FSTL3: variants seen among roughly 807,000 people sequenced by gnomAD.
FSTL3 encodes the protein follistatin-related protein 3.
Under a neutral mutation model 28.1 loss-of-function variants are expected in FSTL3, and 21 were observed. The ratio of observed to expected loss-of-function variants is 0.75; its 90% confidence interval spans 0.53 to 1.08. The LOEUF (loss-of-function observed/expected upper bound fraction) is 1.08. FSTL3 is among the 50% of genes least tolerant of loss of function. The probability of loss-of-function intolerance (pLI) is 0.00; values close to 1 mark genes in which losing one functional copy is unlikely to be tolerated. For missense variants in FSTL3, 400 were observed against 380.9 expected (o/e 1.05, Z -0.42); for synonymous variants, 199 against 164.2 (o/e 1.21, Z -1.62).
chr19:678,366 A>G (rs968900550), intron 2 of FSTL3, among the ~76,000 whole-genome samples: 2 of 152,220 alleles, frequency 1.3e-5, no homozygotes, highest in Non-Finnish European at 2.9e-5. Flanking sequence ...CGGTGGGGTT[A>G]CAGCTGCATG....
At chr19:677,671 C>A in intron 1 of FSTL3, 121 bp from the exon 2 acceptor site, 3 of 994,608 alleles carry the variant, frequency 3.0e-6, no homozygotes, top group Admixed American at 2.8e-5. Context: ...CCCCTTCTTC[C>A]TGGGTGGGGG....
chr19:678,121 A>G (rs1469040350), intron 2 of FSTL3, 144 bp downstream of exon 2: 2 of 754,702 alleles, frequency 2.7e-6, no homozygotes, highest in East Asian at 2.7e-5. Context: ...AGCCTCAGAG[A>G]GGGACTGGGG....
chr19:679,390 C>G (rs1435692668), intron 2 of FSTL3, among the ~76,000 whole-genome samples: 1 of 152,150 alleles, frequency 6.6e-6, no homozygotes, highest in Admixed American at 6.5e-5. Flanking sequence ...GGGGCTCCCT[C>G]GTCAGCCCCA....
At position 680,370 on chromosome 19, in the gene FSTL3, C is replaced by A. The variant is rs1390833901; in HGVS notation, c.386C>A (p.Pro129Gln). ...CECAPDCSGL[P>Q]ARLQVCGSDG... is the part of the protein sequence containing the mutation. ...TGCGCGCCCGACTGCTCGGGGCTCC[C>A]GGCGCGGCTGCAGGTCTGCGGCTCA... Residue 129 changes from proline (P) to glutamine (Q), a missense_variant, in exon 3 of 5, where the codon CCG becomes CAG. Pro to Gln is a moderately conservative substitution (Grantham distance 76). Transcript: ENST00000166139. 2.3e-6 allele frequency: 3 copies of A among 1,281,332 alleles called. No homozygotes were observed. The highest frequency in any genetic ancestry group is 3.0e-6 in the Non-Finnish European group (3 of 1,016,812). 79.4% of individuals were successfully genotyped at this position (1,281,332 alleles called of 1,614,324 possible). A position where few individuals can be genotyped will look rare whatever the true frequency, so the allele number is the denominator to read the frequency against.
rs1019588483 is a variant in FSTL3 at position 676,408 on chromosome 19, C to G, written c.-16C>G. On this transcript the variant is annotated 5_prime_UTR_variant, in exon 1 of 5. Coordinates refer to ENST00000166139, the MANE Select transcript of FSTL3 (RefSeq NM_005860.3). ...CGCGCTGGGAAGTCGGTGCCGCTGC[C>G]GTCTCTGCGTTCGCCATGCGTCCCG... 1.9e-6 allele frequency: 2 copies of G among 1,061,210 alleles called. No individual in the cohort carries two copies. The highest frequency in any genetic ancestry group is 2.4e-6 in the Non-Finnish European group (2 of 838,898). The allele number at this position is 1,061,210 out of a possible 1,614,324, so 65.7% of individuals were successfully genotyped here.
intron 2 of FSTL3, among the ~76,000 whole-genome samples, chr19:679,120 GAGA>G (rs1355207675): frequency 9.9e-5 from 15 of 152,206 alleles, no homozygotes; most frequent in Non-Finnish European, 1.5e-5. Flanking sequence ...TGGCTTCTGG[GAGA>G]AGGACAGTCT....
At position 681,576 on chromosome 19, in the gene FSTL3, G is replaced by A. The variant is rs769857914; in HGVS notation, c.733+16G>A. 1.4e-5 allele frequency: 22 copies of A among 1,600,656 alleles called. No homozygotes were observed. The highest frequency in any genetic ancestry group is 1.7e-4 in the Middle Eastern group (1 of 6,038). ...AGCTGCGCAGGTGCAGACGCAGGGCGGGGGCACAGGCCTGTCCTGGGGGCC... is the reference window on the plus strand; with the variant it reads ...AGCTGCGCAGGTGCAGACGCAGGGCAGGGGCACAGGCCTGTCCTGGGGGCC... On this transcript the variant is annotated intron_variant, in intron 4 of 4. Coordinates refer to ENST00000166139, the MANE Select transcript of FSTL3 (RefSeq NM_005860.3).
chr19:681,245 G>T, intron 3 of FSTL3, 88 bp from the exon 4 acceptor site: 1 of 924,444 alleles, frequency 1.1e-6, no homozygotes, highest in Non-Finnish European at 1.6e-6. Flanking sequence ...TTCGCATCTT[G>T]GGGGTTAAGG....
Position 681,296 on chromosome 19 carries a change from G to A in FSTL3, c.506-37G>A, listed in dbSNP as rs758104601. 1.3e-5 allele frequency: 19 copies of A among 1,430,806 alleles called. No homozygotes were observed. The African/African-American group carries it at 2.0e-4, about 15-fold the overall frequency. 88.6% of individuals were successfully genotyped at this position (1,430,806 alleles called of 1,614,324 possible). A position where few individuals can be genotyped will look rare whatever the true frequency, so the allele number is the denominator to read the frequency against. On this transcript the variant is annotated intron_variant, in intron 3 of 4. Coordinates refer to ENST00000166139, the MANE Select transcript of FSTL3 (RefSeq NM_005860.3). ...AAGAGCCCTGCGGGGTTCTCAGCGA[G>A]ATGTCCCCTGAACTTCCCCTGGCAC...
chr19:681,526 C>T lies in FSTL3; in HGVS notation c.699C>T (p.Arg233=), dbSNP rs376133733. 2 of 1,607,508 alleles carry T rather than the reference C, an allele frequency of 1.2e-6. No homozygotes were observed. The highest frequency in any genetic ancestry group is 2.7e-5 in the African/African-American group (2 of 74,902). Residue 233 remains arginine (R), a synonymous_variant, in exon 4 of 5, where the codon CGC becomes CGT. Transcript: ENST00000166139. Reference sequence around the variant, plus strand: ...GCCAGGCCACCTGCTTCCTGGGCCGCTCCATCGGCGTGCGCCACGCGGGCA... The same window carrying T: ...GCCAGGCCACCTGCTTCCTGGGCCGTTCCATCGGCGTGCGCCACGCGGGCA... The part of the protein sequence containing the change: ...HMRQATCFLG[R]SIGVRHAGSC...
intron 2 of FSTL3, 21 bp downstream of exon 2, chr19:677,998 CAGGGCAGACGTCT>C: frequency 6.2e-7 from 1 of 1,606,734 alleles, no homozygotes; most frequent in Non-Finnish European, 8.5e-7. Flanking sequence ...AGGCCAGAAG[CAGGGCAGACGTCT>C]CAGCTCAGGA....
intron 1 of FSTL3, 73 bp downstream of exon 1, chr19:676,599 ACGTCGGGGGG>A (rs1337906032): frequency 3.3e-4 from 150 of 453,630 alleles, no homozygotes; most frequent in Non-Finnish European, 1.6e-5. Context: ...GGCCGGGGGG[ACGTCGGGGGG>A]CGCGGCGGCG....
At chr19:677,579 G>GT (rs1161761635) in intron 1 of FSTL3, among the ~76,000 whole-genome samples, 1 of 145,176 alleles carries the variant, frequency 6.9e-6, no homozygotes, top group African/African-American at 2.5e-5. Flanking sequence ...TGAGGCTGTG[G>GT]GGGGGGGCAC....
rs566357216 is a variant in FSTL3, at chr19:677,934, C to T, written c.246C>T (p.Asn82=). 6.2e-7 allele frequency: 1 copy of T among 1,613,628 alleles called. No homozygotes were observed. Among genetic ancestry groups the T allele is most frequent in the African/African-American group, 1.3e-5 (1 of 75,062 alleles). The change falls in exon 2 of 5, where the codon AAC becomes AAT. Residue 82 remains asparagine, a synonymous_variant. Transcript: ENST00000166139. ...SNLTHPGNKI[N]LLGFLGLVHC... The stretch of plus-strand genomic sequence containing the variant: ...TCACCCACCCGGGGAACAAGATCAA[C>T]CTCCTCGGCTTCTTGGGCCTTGTCC...
At chr19:680,622 CG>C (rs754761803) in intron 3 of FSTL3, 133 bp downstream of exon 3, 155 of 308,884 alleles carry the variant, frequency 5.0e-4, no homozygotes, top group Non-Finnish European at 2.7e-4. Context: ...CGTGACGTAT[CG>C]GGGCTGCTAC....
In FSTL3 at chr19:682,444, G is replaced by T; in HGVS notation, c.*736G>T. On this transcript the variant is annotated 3_prime_UTR_variant, in exon 5 of 5. Coordinates refer to ENST00000166139, the MANE Select transcript of FSTL3 (RefSeq NM_005860.3). ...TACGGAGGGTCTAGTCTGAGTGCGT[G>T]TGGGGACCTCAGAACACTGTGACCT... 4.3e-6 allele frequency: 1 copy of T among 235,144 alleles called. No individual in the cohort carries two copies. Among genetic ancestry groups the T allele is most frequent in the East Asian group, 6.0e-5 (1 of 16,604 alleles). The allele number at this position is 235,144 out of a possible 1,614,324, so 14.6% of individuals were successfully genotyped here. A position where few individuals can be genotyped will look rare whatever the true frequency, so the allele number is the denominator to read the frequency against.
chr19:680,168 C>A, intron 2 of FSTL3, 106 bp from the exon 3 acceptor site: 1 of 628,602 alleles, frequency 1.6e-6, no homozygotes, highest in East Asian at 4.1e-5. Context: ...GCGCCCCCGC[C>A]TCCGCCCTGC....
intron 1 of FSTL3, among the ~76,000 whole-genome samples, 156 bp from the exon 2 acceptor site, chr19:677,636 G>GTGGGGACACA (rs1436263271): frequency 6.6e-6 from 1 of 152,092 alleles, no homozygotes; most frequent in Admixed American, 6.6e-5. Context: ...TGGAGCCAGG[G>GTGGGGACACA]TGGGGACACC....
chr19:680,324 G>A lies in FSTL3; in HGVS notation c.340G>A (p.Gly114Arg), dbSNP rs943947175. The change falls in exon 3 of 5, where the codon GGG (glycine) becomes AGG (arginine). Residue 114 changes from glycine to arginine, a missense_variant. By Grantham distance (125) the Gly-to-Arg change is moderately radical. Transcript: ENST00000166139. ...CCCGGGCAAGGCGTGCCGCATGCTGGGGGGCCGCCCGCGCTGCGAGTGCGC... is the reference window on the plus strand; with the variant it reads ...CCCGGGCAAGGCGTGCCGCATGCTGAGGGGCCGCCCGCGCTGCGAGTGCGC... Reference protein sequence around the residue: ...CGPGKACRMLGGRPRCECAPD... With the variant: ...CGPGKACRMLRGRPRCECAPD... 1 of 1,282,604 alleles carries A rather than the reference G, an allele frequency of 7.8e-7. No individual in the cohort carries two copies. The highest frequency in any genetic ancestry group is 9.8e-7 in the Non-Finnish European group (1 of 1,019,422). The allele number at this position is 1,282,604 out of a possible 1,614,324, so 79.5% of individuals were successfully genotyped here. A position where few individuals can be genotyped will look rare whatever the true frequency, so the allele number is the denominator to read the frequency against.
Sources: gnomAD v4.1 joint callset for allele counts (sites outside exome capture counted in the v4.1 genomes callset) on GRCh38, gnomAD v4.1.1 for gene constraint, MANE v1.5 for transcripts, NCBI Gene and HGNC (gene_info 2026-07-23, HGNC 2026-07-21) for gene names.